Variants in MACROD2 observed in about 807,000 individuals in gnomAD.
MACROD2 encodes the protein ADP-ribose glycohydrolase MACROD2.
MACROD2 carries 36 observed loss-of-function variants against 70.4 expected under a neutral mutation model. The observed-to-expected ratio is 0.51, with a 90% confidence interval of 0.39 to 0.68. MACROD2 has a LOEUF of 0.68. MACROD2 is among the 30% of genes least tolerant of loss of function. The pLI is 0.00. For synonymous variants in MACROD2, 172 were observed against 178.8 expected, an observed-to-expected ratio of 0.96 and a Z score of 0.30; for missense variants, 496 against 538.4, an observed-to-expected ratio of 0.92 and a Z score of 0.78.
intron 5 of MACROD2, among the ~76,000 whole-genome samples, chr20:15,228,163 C>T (rs1568652866): frequency 6.6e-6 from 1 of 151,992 alleles, no homozygotes. Context: ...ACTTTTATTA[C>T]AAAAAAATGA....
chr20:14,085,889 T>G (rs1049718538), intron 3 of MACROD2, among the ~76,000 whole-genome samples, 161 bp downstream of exon 3: 2 of 152,126 alleles, frequency 1.3e-5, no homozygotes, highest in Admixed American at 6.5e-5. Flanking sequence ...TCTATTTTTT[T>G]GTATGTTCTG....
intron 3 of MACROD2, among the ~76,000 whole-genome samples, chr20:14,094,297 T>C (rs1051996148): frequency 5.9e-5 from 9 of 152,198 alleles, no homozygotes; most frequent in Non-Finnish European, 1.3e-4. Flanking sequence ...TGGAGTAACC[T>C]CGAAAAGCTT....
chr20:14,406,485 T>C (rs558128459), intron 3 of MACROD2, among the ~76,000 whole-genome samples: 3 of 152,276 alleles, frequency 2.0e-5, no homozygotes, highest in South Asian at 2.1e-4. Flanking sequence ...AGAACAGTGC[T>C]AGATTGTATC....
intron 5 of MACROD2, among the ~76,000 whole-genome samples, chr20:14,961,477 C>T (rs963892349): frequency 2.6e-5 from 4 of 152,162 alleles, no homozygotes; most frequent in South Asian, 2.1e-4. Context: ...TTCAAATACA[C>T]GAACATTATG....
At chr20:14,118,555 G>A (rs938634570) in intron 3 of MACROD2, among the ~76,000 whole-genome samples, 2 of 152,112 alleles carry the variant, frequency 1.3e-5, no homozygotes, top group African/African-American at 2.4e-5. Flanking sequence ...ATTTCAACAC[G>A]AATGGGGATC....
At chr20:15,760,643 G>A (rs958746354) in intron 8 of MACROD2, among the ~76,000 whole-genome samples, 1 of 152,138 alleles carries the variant, frequency 6.6e-6, no homozygotes, top group Non-Finnish European at 1.5e-5. Context: ...CCAGGAGAGG[G>A]AGGAGAAGAT....
At chr20:14,001,203 G>A in intron 1 of MACROD2, among the ~76,000 whole-genome samples, 1 of 152,102 alleles carries the variant, frequency 6.6e-6, no homozygotes, top group East Asian at 1.9e-4. Flanking sequence ...AAACTACTTT[G>A]CTGTGCTTCA....
At chr20:14,249,140 T>TG (rs1334664703) in intron 3 of MACROD2, among the ~76,000 whole-genome samples, 1 of 149,878 alleles carries the variant, frequency 6.7e-6, no homozygotes, top group African/African-American at 2.5e-5. Context: ...TTTTTTTTTT[T>TG]TTTTTTTTTT....
intron 2 of MACROD2, among the ~76,000 whole-genome samples, chr20:14,080,442 CAAAAAA>C (rs61598345): frequency 1.4e-4 from 9 of 64,078 alleles, no homozygotes; most frequent in East Asian, 5.2e-4. Flanking sequence ...AACCCCGTCT[CAAAAAA>C]AAAAAAAAAA....
chr20:15,397,769 G>A (rs1188038895), intron 6 of MACROD2, among the ~76,000 whole-genome samples: 3 of 152,132 alleles, frequency 2.0e-5, no homozygotes, highest in Admixed American at 1.3e-4. Flanking sequence ...CGTACATCAT[G>A]TTGGGAATTT....
chr20:15,602,239 G>C (rs2048832334), intron 8 of MACROD2, among the ~76,000 whole-genome samples: 1 of 152,150 alleles, frequency 6.6e-6, no homozygotes, highest in African/African-American at 2.4e-5. Context: ...CCGCATTCTA[G>C]GTGGCCCACA....
intron 5 of MACROD2, among the ~76,000 whole-genome samples, chr20:14,902,021 A>G (rs1386334207): frequency 6.6e-6 from 1 of 152,206 alleles, no homozygotes; most frequent in Non-Finnish European, 1.5e-5. Flanking sequence ...AATAATAGCT[A>G]TATTTCTGAA....
At chr20:14,825,360 G>A (rs183840576) in intron 5 of MACROD2, among the ~76,000 whole-genome samples, 78 of 152,208 alleles carry the variant, frequency 5.1e-4, no homozygotes, top group African/African-American at 1.8e-3. Flanking sequence ...CCTGACCAGT[G>A]ACAACAGTGT....
chr20:14,774,043 C>T (rs2072204273), intron 5 of MACROD2, among the ~76,000 whole-genome samples: 1 of 151,952 alleles, frequency 6.6e-6, no homozygotes, highest in African/African-American at 2.4e-5. Flanking sequence ...TTATAATATA[C>T]ATTTACTTGA....
intron 5 of MACROD2, among the ~76,000 whole-genome samples, chr20:15,224,031 C>T (rs1252255058): frequency 6.6e-6 from 1 of 152,168 alleles, no homozygotes; most frequent in Non-Finnish European, 1.5e-5. Flanking sequence ...AACTAGCCCA[C>T]ATGGAGAGTC....
chr20:15,288,911 C>T (rs2077517122), intron 6 of MACROD2, among the ~76,000 whole-genome samples: 1 of 122,516 alleles, frequency 8.2e-6, no homozygotes, highest in African/African-American at 3.0e-5. Context: ...CTATCTATCT[C>T]CTCTCCATCC....
intron 6 of MACROD2, among the ~76,000 whole-genome samples, chr20:15,423,810 C>T (rs1347444080): frequency 1.3e-5 from 2 of 151,866 alleles, no homozygotes; most frequent in Non-Finnish European, 2.9e-5. Flanking sequence ...TATACTACTC[C>T]CCTCGTGGAG....
At chr20:15,222,990 C>T (rs906954140) in intron 5 of MACROD2, among the ~76,000 whole-genome samples, 4 of 152,148 alleles carry the variant, frequency 2.6e-5, no homozygotes, top group Non-Finnish European at 5.9e-5. Context: ...TCAAAGAAAA[C>T]CTTATATCCT....
In MACROD2 at chr20:15,566,394, AG is replaced by A. The variant is rs1359555159; in HGVS notation, c.645+66549del. ...GCGCCTGTAATCCCAGCTACTCGGG[AG>A]GCTGAGGCATGAGAATAGCTTGAAC... On this transcript the variant is annotated intron_variant, in intron 8 of 17. Coordinates refer to ENST00000684519, the MANE Select transcript of MACROD2 (RefSeq NM_001351661.2). 1.4e-4 allele frequency among the ~76,000 whole-genome samples: 21 copies of A among 151,474 alleles called. No homozygotes were observed. The South Asian group carries it at 2.9e-3, about 21-fold the overall frequency.
Sources: gnomAD v4.1 joint callset for allele counts (sites outside exome capture counted in the v4.1 genomes callset) on GRCh38, gnomAD v4.1.1 for gene constraint, MANE v1.5 for transcripts, NCBI Gene and HGNC (gene_info 2026-07-23, HGNC 2026-07-21) for gene names.